The following TBC1D5 variants were observed in gnomAD, a reference collection of about 807,000 sequenced individuals.
The protein encoded by TBC1D5 is TBC1 domain family member 5, also known as TBC1 domain family, member 5.
Under a neutral mutation model 100.3 loss-of-function variants are expected in TBC1D5, and 75 were observed. The ratio of observed to expected loss-of-function variants is 0.75; its 90% confidence interval spans 0.62 to 0.91. The LOEUF (loss-of-function observed/expected upper bound fraction) is 0.91. Among genes scored for constraint, TBC1D5 ranks in the 40% least tolerant of loss-of-function variants. The probability of loss-of-function intolerance (pLI) is 0.00; values close to 1 mark genes in which losing one functional copy is unlikely to be tolerated. For missense variants in TBC1D5, 910 were observed against 942.4 expected, an observed-to-expected ratio of 0.97 and a Z score of 0.45; for synonymous variants, 323 against 325.6, an observed-to-expected ratio of 0.99 and a Z score of 0.09.
chr3:17,222,213 C>G, intron 17 of TBC1D5, among the ~76,000 whole-genome samples: 1 of 152,072 alleles, frequency 6.6e-6, no homozygotes, highest in South Asian at 2.1e-4. Context: ...ATTTTACAGT[C>G]TTTCTTGTTT....
chr3:17,695,758 T>C (rs1050195663), intron 1 of TBC1D5, among the ~76,000 whole-genome samples: 3 of 152,160 alleles, frequency 2.0e-5, no homozygotes, highest in African/African-American at 2.4e-5. Context: ...CTAAGAGATA[T>C]CTACAGAACT....
At chr3:17,524,159 C>T (rs1443074817) in intron 2 of TBC1D5, among the ~76,000 whole-genome samples, 1 of 152,082 alleles carries the variant, frequency 6.6e-6, no homozygotes, top group Non-Finnish European at 1.5e-5. Context: ...TATACATATA[C>T]ACAGCCAATA....
At chr3:17,183,195 A>G (rs1212592777) in intron 19 of TBC1D5, among the ~76,000 whole-genome samples, 1 of 152,174 alleles carries the variant, frequency 6.6e-6, no homozygotes, top group Non-Finnish European at 1.5e-5. Flanking sequence ...CCTGGAAGAT[A>G]AGGCAATGAA....
intron 1 of TBC1D5, among the ~76,000 whole-genome samples, chr3:17,643,045 G>A (rs1283254328): frequency 2.0e-5 from 3 of 151,986 alleles, no homozygotes; most frequent in Non-Finnish European, 4.4e-5. Flanking sequence ...CGCCACTAAT[G>A]ACTTTTTTTG....
chr3:17,343,113 T>A (rs935952311), intron 13 of TBC1D5, among the ~76,000 whole-genome samples: 3 of 152,196 alleles, frequency 2.0e-5, no homozygotes, highest in African/African-American at 4.8e-5. Context: ...TTGTCATAGA[T>A]AGCTCTTATT....
At chr3:17,555,435 A>C (rs987303178) in intron 2 of TBC1D5, among the ~76,000 whole-genome samples, 7 of 152,188 alleles carry the variant, frequency 4.6e-5, no homozygotes, top group African/African-American at 1.7e-4. Context: ...GGGGGCTTCC[A>C]GGTCATAGGT....
At chr3:17,737,921 C>T (rs532221517) in intron 1 of TBC1D5, among the ~76,000 whole-genome samples, 3 of 152,016 alleles carry the variant, frequency 2.0e-5, no homozygotes, top group African/African-American at 7.2e-5. Context: ...GAGTTAGCCA[C>T]AGAAACCACA....
intron 18 of TBC1D5, among the ~76,000 whole-genome samples, chr3:17,210,139 A>C (rs2072762646): frequency 6.6e-6 from 1 of 151,932 alleles, no homozygotes; most frequent in African/African-American, 2.4e-5. Flanking sequence ...AAAATTAACT[A>C]CTAGTTTAGA....
intron 2 of TBC1D5, among the ~76,000 whole-genome samples, chr3:17,546,524 G>A (rs1354336011): frequency 2.0e-5 from 3 of 152,030 alleles, no homozygotes; most frequent in African/African-American, 7.2e-5. Context: ...AGCACTTTGG[G>A]AGGCTGAGGC....
chr3:17,163,993 G>A (rs1223798690), intron 21 of TBC1D5, among the ~76,000 whole-genome samples: 4 of 152,210 alleles, frequency 2.6e-5, no homozygotes, highest in African/African-American at 7.2e-5. Context: ...GCCTTCTACT[G>A]CAGCTGATTT....
intron 9 of TBC1D5, among the ~76,000 whole-genome samples, chr3:17,382,805 C>A (rs1201319334): frequency 6.6e-6 from 1 of 152,010 alleles, no homozygotes; most frequent in Non-Finnish European, 1.5e-5. Context: ...CAGCCAATCA[C>A]CCTGCCTCAG....
intron 13 of TBC1D5, among the ~76,000 whole-genome samples, chr3:17,369,927 T>C (rs995101024): frequency 2.0e-5 from 3 of 152,156 alleles, no homozygotes; most frequent in African/African-American, 7.2e-5. Flanking sequence ...TGAGATTCTA[T>C]TAAAATATAA....
intron 1 of TBC1D5, among the ~76,000 whole-genome samples, chr3:17,684,508 G>A (rs961744114): frequency 1.3e-5 from 2 of 152,020 alleles, no homozygotes; most frequent in African/African-American, 4.8e-5. Flanking sequence ...TAAAGACCAT[G>A]TTGTGCATAT....
At chr3:17,650,692 T>C (rs1305590668) in intron 1 of TBC1D5, among the ~76,000 whole-genome samples, 1 of 152,208 alleles carries the variant, frequency 6.6e-6, no homozygotes, top group African/African-American at 2.4e-5. Flanking sequence ...TTCCTACACC[T>C]GGTTTAAAGT....
intron 17 of TBC1D5, among the ~76,000 whole-genome samples, chr3:17,216,461 C>T (rs2073644969): frequency 1.3e-5 from 2 of 152,082 alleles, no homozygotes; most frequent in Admixed American, 1.3e-4. Context: ...GTGTTATTCC[C>T]CCAATAAACT....
chr3:17,706,066 C>T, intron 1 of TBC1D5: 1 of 1,597,720 alleles, frequency 6.3e-7, no homozygotes, highest in Non-Finnish European at 8.5e-7. Context: ...TACTGATTTC[C>T]CCCGACCCCA....
At chr3:17,329,085 C>G (rs1366825058) in intron 13 of TBC1D5, among the ~76,000 whole-genome samples, 2 of 152,200 alleles carry the variant, frequency 1.3e-5, no homozygotes, top group Non-Finnish European at 2.9e-5. Context: ...AGCACCACCT[C>G]ATGTCACTGA....
chr3:17,545,138 G>GTA (rs1379620606), intron 2 of TBC1D5, among the ~76,000 whole-genome samples: 1 of 151,656 alleles, frequency 6.6e-6, no homozygotes, highest in Non-Finnish European at 1.5e-5. Context: ...CGAAAAAATC[G>GTA]TACATTGAAA....
intron 18 of TBC1D5, among the ~76,000 whole-genome samples, chr3:17,211,015 A>T (rs961256281): frequency 6.6e-6 from 1 of 152,226 alleles, no homozygotes; most frequent in African/African-American, 2.4e-5. Flanking sequence ...AAAATCTATT[A>T]AAATATGATT....
Sources: gnomAD v4.1 joint callset for allele counts (sites outside exome capture counted in the v4.1 genomes callset) on GRCh38, gnomAD v4.1.1 for gene constraint, MANE v1.5 for transcripts, NCBI Gene and HGNC (gene_info 2026-07-23, HGNC 2026-07-21) for gene names.